KLHL24: variants seen among roughly 807,000 people sequenced by gnomAD.
The protein encoded by KLHL24 is kelch like family member 24.
A neutral mutation model predicts 53.4 loss-of-function variants in KLHL24; 29 were observed. The observed-to-expected ratio is 0.54, with a 90% CI of 0.40 to 0.74. The LOEUF (loss-of-function observed/expected upper bound fraction) is 0.74. Among genes scored for constraint, KLHL24 ranks in the 30% least tolerant of loss-of-function variants. KLHL24 has a pLI of 0.00. For synonymous variants in KLHL24, 222 were observed against 253.7 expected (o/e 0.88, Z 1.19); for missense variants, 504 against 744.0 (o/e 0.68, Z 3.75).
At chr3:183,655,638 C>G (rs370439637) in intron 3 of KLHL24, among the ~76,000 whole-genome samples, 8 of 151,848 alleles carry the variant, frequency 5.3e-5, no homozygotes, top group Admixed American at 3.9e-4. Context: ...CAAAAAAATT[C>G]TACTGGCCAG....
intron 5 of KLHL24, among the ~76,000 whole-genome samples, chr3:183,666,318 G>A (rs1720551640): frequency 6.6e-6 from 1 of 151,994 alleles, no homozygotes; most frequent in Admixed American, 6.6e-5. Flanking sequence ...CTGGAGTACA[G>A]TGGTGCCATC....
At chr3:183,659,102 G>A (rs1157227731) in intron 3 of KLHL24, among the ~76,000 whole-genome samples, 1 of 151,716 alleles carries the variant, frequency 6.6e-6, no homozygotes, top group Non-Finnish European at 1.5e-5. Flanking sequence ...AGATGATTGA[G>A]CATCTTTTCC....
intron 1 of KLHL24, among the ~76,000 whole-genome samples, chr3:183,637,468 C>T (rs1031612435): frequency 5.3e-5 from 8 of 152,130 alleles, no homozygotes; most frequent in South Asian, 2.1e-4. Flanking sequence ...AAGTGGGTTG[C>T]GACTGTGTCG....
chr3:183,652,690 G>C (rs1243017913), intron 3 of KLHL24, among the ~76,000 whole-genome samples: 1 of 152,130 alleles, frequency 6.6e-6, no homozygotes, highest in African/African-American at 2.4e-5. Flanking sequence ...CTGTGAGATA[G>C]CTTGTTTTTA....
intron 5 of KLHL24, among the ~76,000 whole-genome samples, chr3:183,670,470 TGTGAACTTTAAA>T (rs1721183905): frequency 6.6e-6 from 1 of 152,248 alleles, no homozygotes; most frequent in South Asian, 2.1e-4. Flanking sequence ...ATAAAAGCTC[TGTGAACTTTAAA>T]GTTCATTTTG....
chr3:183,656,002 A>G (rs1187188753), intron 3 of KLHL24, among the ~76,000 whole-genome samples: 1 of 148,588 alleles, frequency 6.7e-6, no homozygotes, highest in Non-Finnish European at 1.5e-5. Context: ...TAACTGCACT[A>G]CATCCTCTGC....
intron 7 of KLHL24, among the ~76,000 whole-genome samples, chr3:183,675,098 C>A (rs914340997): frequency 6.6e-6 from 1 of 152,064 alleles, no homozygotes; most frequent in Non-Finnish European, 1.5e-5. Context: ...GACACTATTT[C>A]TTCTAACTCA....
At chr3:183,657,918 G>A (rs1279778785) in intron 3 of KLHL24, among the ~76,000 whole-genome samples, 3 of 152,074 alleles carry the variant, frequency 2.0e-5, no homozygotes, top group Non-Finnish European at 4.4e-5. Flanking sequence ...TCTTTTAGAA[G>A]TATTCTTTGT....
chr3:183,649,585 T>C (rs1717841690), intron 2 of KLHL24, among the ~76,000 whole-genome samples: 1 of 152,092 alleles, frequency 6.6e-6, no homozygotes, highest in African/African-American at 2.4e-5. Flanking sequence ...TATTGATAGA[T>C]ATAGCTAAAT....
rs1036540773 is a variant in KLHL24 at position 183,670,347 on chromosome 3, C to G, written c.1225-687C>G. Reference sequence around the variant, plus strand: ...TAGGTTGAAAGTTCCCTATATAAACCATGGATTTTTTGCATATAAGCCATT... The same window carrying G: ...TAGGTTGAAAGTTCCCTATATAAACGATGGATTTTTTGCATATAAGCCATT... On this transcript the variant is annotated intron_variant, in intron 5 of 7. Transcript: ENST00000242810. Among the ~76,000 whole-genome samples, 23 of 152,106 alleles carry G rather than the reference C, an allele frequency of 1.5e-4. 1 individual carries two copies. Among genetic ancestry groups the G allele is most frequent in the Non-Finnish European group, 3.4e-4 (23 of 68,020 alleles).
At chr3:183,657,896 G>GT (rs1560167074) in intron 3 of KLHL24, among the ~76,000 whole-genome samples, 1 of 152,144 alleles carries the variant, frequency 6.6e-6, no homozygotes, top group Non-Finnish European at 1.5e-5. Context: ...TTTATTACTA[G>GT]TTTTTTGAAC....
At chr3:183,648,398 A>T (rs1035244478) in intron 2 of KLHL24, among the ~76,000 whole-genome samples, 8 of 152,192 alleles carry the variant, frequency 5.3e-5, no homozygotes, top group African/African-American at 1.7e-4. Flanking sequence ...CAGCCTTAAG[A>T]TGTTAACTTT....
rs914502659 is a variant in KLHL24, at chr3:183,682,352, C to G, written c.*3066C>G. ...GAACTTCCTCCTTTTCTACTGTAAT[C>G]TTCCCACTGACTTTACTGCACAGGT... On this transcript the variant is annotated 3_prime_UTR_variant, in exon 8 of 8. Coordinates refer to ENST00000242810, the MANE Select transcript of KLHL24 (RefSeq NM_017644.3). 2.0e-5 allele frequency: 3 copies of G among 152,332 alleles called. No individual in the cohort carries two copies. Among genetic ancestry groups the G allele is most frequent in the African/African-American group, 7.2e-5 (3 of 41,390 alleles). 9.4% of individuals were successfully genotyped at this position (152,332 alleles called of 1,614,324 possible). A position where few individuals can be genotyped will look rare whatever the true frequency, so the allele number is the denominator to read the frequency against.
chr3:183,670,939 C>T lies in KLHL24; in HGVS notation c.1225-95C>T, dbSNP rs535248286. The T allele has an allele frequency of 1.1e-5, 9 of 805,378 alleles. No individual in the cohort carries two copies. The African/African-American group carries it at 1.2e-4, about 11-fold the overall frequency. 49.9% of individuals were successfully genotyped at this position (805,378 alleles called of 1,614,324 possible). A position where few individuals can be genotyped will look rare whatever the true frequency, so the allele number is the denominator to read the frequency against. ...TGCAATTATATTTATTTAGCAAGGG[C>T]ATTTTAAAGAGAAGAGATCCCTTAA... On this transcript the variant is annotated intron_variant, in intron 5 of 7. Transcript: ENST00000242810.
intron 3 of KLHL24, among the ~76,000 whole-genome samples, chr3:183,662,562 T>C (rs10755141): frequency 0.33 from 50,913 of 152,036 alleles, 9,381 homozygotes; most frequent in African/African-American, 0.49. Flanking sequence ...TCAATTGAAT[T>C]TTATGAACAA....
chr3:183,668,644 C>T (rs899462885), intron 5 of KLHL24, among the ~76,000 whole-genome samples: 3 of 152,170 alleles, frequency 2.0e-5, no homozygotes, highest in Non-Finnish European at 2.9e-5. Flanking sequence ...CGGTGGCTCA[C>T]GCCTGTAATC....
At chr3:183,678,377 TATA>T (rs946079060) in intron 7 of KLHL24, among the ~76,000 whole-genome samples, 2 of 152,360 alleles carry the variant, frequency 1.3e-5, no homozygotes, top group African/African-American at 4.8e-5. Flanking sequence ...CGCCACTTTC[TATA>T]ATAACCTTCC....
chr3:183,643,105 G>A (rs9852379), intron 1 of KLHL24: 51,001 of 152,194 alleles, frequency 0.34, 9,405 homozygotes, highest in African/African-American at 0.49. Context: ...CGGCACATAC[G>A]TGTAATCCCA....
intron 2 of KLHL24, among the ~76,000 whole-genome samples, chr3:183,646,550 C>T (rs188333081): frequency 6.6e-6 from 1 of 152,086 alleles, no homozygotes; most frequent in Non-Finnish European, 1.5e-5. Context: ...TCCTGTATAG[C>T]ATGCAAGCAT....
Sources: gnomAD v4.1 joint callset for allele counts (sites outside exome capture counted in the v4.1 genomes callset) on GRCh38, gnomAD v4.1.1 for gene constraint, MANE v1.5 for transcripts, NCBI Gene and HGNC (gene_info 2026-07-23, HGNC 2026-07-21) for gene names.